E2F5: variants seen among roughly 807,000 people sequenced by gnomAD.
E2F5 encodes the protein E2F transcription factor 5.
In E2F5, 23 loss-of-function variants were observed where a neutral mutation model predicts 39.1. The ratio of observed to expected loss-of-function variants is 0.59; its 90% CI spans 0.42 to 0.83. The LOEUF is 0.83. Among genes scored for constraint, E2F5 ranks in the 40% least tolerant of loss-of-function variants. The pLI is 0.00. For synonymous variants in E2F5, 145 were observed against 157.8 expected (o/e 0.92, Z 0.61); for missense variants, 365 against 406.7 (o/e 0.90, Z 0.88).
At chr8:85,209,431 T>C in intron 6 of E2F5, 22 bp downstream of exon 6, 2 of 1,569,340 alleles carry the variant, frequency 1.3e-6, no homozygotes, top group Non-Finnish European at 1.7e-6. Flanking sequence ...GCCTTTCTTT[T>C]GTAAATTAGA....
chr8:85,189,237 G>C (rs527401180), intron 1 of E2F5, among the ~76,000 whole-genome samples: 2 of 152,206 alleles, frequency 1.3e-5, no homozygotes, highest in East Asian at 3.9e-4. Flanking sequence ...CTTGGGAAAA[G>C]GTTAATATAC....
chr8:85,196,628 A>C (rs963635847), intron 1 of E2F5, among the ~76,000 whole-genome samples: 1 of 152,234 alleles, frequency 6.6e-6, no homozygotes, highest in Non-Finnish European at 1.5e-5. Flanking sequence ...CCATTTAAAA[A>C]TGTTTTACCA....
rs183726423 is a variant in E2F5 at position 85,183,543 on chromosome 8, A to T, written c.234+5889A>T. On this transcript the variant is annotated intron_variant, in intron 1 of 7. Coordinates refer to ENST00000416274, the MANE Select transcript of E2F5 (RefSeq NM_001951.4). ...TGAGTAGCTTAACAAAATGTGGTATATATACAATGGAATATTCTTCAGGCT... is the reference window on the plus strand; with the variant it reads ...TGAGTAGCTTAACAAAATGTGGTATTTATACAATGGAATATTCTTCAGGCT... Among the ~76,000 whole-genome samples, 461 of 152,350 alleles carry T rather than the reference A, an allele frequency of 3.0e-3. 1 individual carries two copies. Among genetic ancestry groups the T allele is most frequent in the Non-Finnish European group, 5.7e-3 (391 of 68,042 alleles).
chr8:85,187,101 T>C (rs1812360041), intron 1 of E2F5, among the ~76,000 whole-genome samples: 1 of 152,110 alleles, frequency 6.6e-6, no homozygotes, highest in Non-Finnish European at 1.5e-5. Flanking sequence ...AGCATGTTTT[T>C]TGTTTTTAAA....
chr8:85,185,092 A>G (rs1479275740), intron 1 of E2F5, among the ~76,000 whole-genome samples: 1 of 152,230 alleles, frequency 6.6e-6, no homozygotes, highest in Non-Finnish European at 1.5e-5. Context: ...TGGAGGCATC[A>G]TGCTACCTGA....
Position 85,201,500 on chromosome 8 carries a change from T to C in E2F5, c.235-647T>C, listed in dbSNP as rs116819341. Among the ~76,000 whole-genome samples the C allele has an allele frequency of 3.6e-3, 549 of 152,354 alleles. 6 individuals carry two copies. Among genetic ancestry groups the C allele is most frequent in the African/African-American group, 0.013 (528 of 41,578 alleles). ...TAACATGATAGCATATATTGTTTTG[T>C]TGATCTTATCTAATGTGAATGCAGC... On this transcript the variant is annotated intron_variant, in intron 1 of 7. Coordinates refer to ENST00000416274, the MANE Select transcript of E2F5 (RefSeq NM_001951.4).
At chr8:85,188,110 A>G (rs1220373098) in intron 1 of E2F5, among the ~76,000 whole-genome samples, 1 of 152,138 alleles carries the variant, frequency 6.6e-6, no homozygotes, top group African/African-American at 2.4e-5. Context: ...TGATGTCACA[A>G]GTTTTATCTT....
chr8:85,195,531 C>T (rs1400872351), intron 1 of E2F5, among the ~76,000 whole-genome samples: 1 of 151,868 alleles, frequency 6.6e-6, no homozygotes, highest in Non-Finnish European at 1.5e-5. Flanking sequence ...ACTCTGTCAC[C>T]CAGGCTAGAG....
intron 1 of E2F5, among the ~76,000 whole-genome samples, chr8:85,186,369 TA>T (rs1812333248): frequency 1.3e-5 from 2 of 151,542 alleles, no homozygotes; most frequent in African/African-American, 4.9e-5. Flanking sequence ...GTTGGGGGGC[TA>T]GGGGAGGGAT....
intron 1 of E2F5, among the ~76,000 whole-genome samples, chr8:85,186,531 G>A (rs908652496): frequency 4.7e-5 from 7 of 148,492 alleles, no homozygotes; most frequent in African/African-American, 7.5e-5. Flanking sequence ...ATATATGTAC[G>A]GTATATATAT....
intron 5 of E2F5, among the ~76,000 whole-genome samples, chr8:85,208,356 C>A (rs1211754127): frequency 6.6e-6 from 1 of 152,252 alleles, no homozygotes; most frequent in Non-Finnish European, 1.5e-5. Flanking sequence ...AACACATCTA[C>A]AATTGATATA....
At position 85,177,630 on chromosome 8, in the gene E2F5, G is replaced by A. The variant is rs1812113765; in HGVS notation, c.210G>A (p.Lys70=). The A allele has an allele frequency of 1.5e-6, 2 of 1,296,516 alleles. No homozygotes were observed. Among genetic ancestry groups the A allele is most frequent in the African/African-American group, 3.0e-5 (2 of 66,154 alleles). 80.3% of individuals were successfully genotyped at this position (1,296,516 alleles called of 1,614,324 possible). A position where few individuals can be genotyped will look rare whatever the true frequency, so the allele number is the denominator to read the frequency against. Residue 70 remains lysine, a synonymous_variant, in exon 1 of 8, where the codon AAG becomes AAA. Transcript: ENST00000416274. ...TKFVSLLQEA[K]DGVLDLKAAA... ...TCGTGTCGCTGCTGCAGGAGGCCAA[G>A]GACGGCGTTCTGGATCTCAAAGCGG...
chr8:85,195,823 A>C (rs1194217937), intron 1 of E2F5, among the ~76,000 whole-genome samples: 4 of 152,170 alleles, frequency 2.6e-5, no homozygotes, highest in Non-Finnish European at 5.9e-5. Context: ...GCAATTGAAA[A>C]TGTAGGCAAG....
chr8:85,204,405 G>T (rs1255394920), intron 3 of E2F5, among the ~76,000 whole-genome samples: 2 of 151,140 alleles, frequency 1.3e-5, no homozygotes, highest in African/African-American at 4.9e-5. Flanking sequence ...CATGGATGAC[G>T]CTGGAAACCA....
intron 4 of E2F5, 121 bp downstream of exon 4, chr8:85,206,341 A>C: frequency 1.1e-6 from 1 of 930,482 alleles, no homozygotes; most frequent in Non-Finnish European, 1.7e-6. Flanking sequence ...ATTGTGTCTC[A>C]CTCCACCATG....
chr8:85,209,355 G>A lies in E2F5; in HGVS notation c.829G>A (p.Val277Ile), dbSNP rs1468187998. The change falls in exon 6 of 8, where the codon GTC becomes ATC. Residue 277 changes from valine (V) to isoleucine (I), a missense_variant. Val to Ile is a conservative substitution (Grantham distance 29). Coordinates refer to ENST00000416274, the MANE Select transcript of E2F5 (RefSeq NM_001951.4). Reference protein sequence around the residue: ...MATQNLPEQHVSERSQALQQT... With the variant: ...MATQNLPEQHISERSQALQQT... ...AACTCAAAATCTGCCTGAGCAACATGTCTCTGAAAGAAGCCAGGCTCTGCA... is the reference window on the plus strand; with the variant it reads ...AACTCAAAATCTGCCTGAGCAACATATCTCTGAAAGAAGCCAGGCTCTGCA... 2 of 1,613,882 alleles carry A rather than the reference G, an allele frequency of 1.2e-6. No homozygotes were observed. Among genetic ancestry groups the A allele is most frequent in the South Asian group, 2.2e-5 (2 of 91,062 alleles).
intron 7 of E2F5, chr8:85,213,003 T>G (rs1270503876): frequency 6.6e-6 from 1 of 150,466 alleles, no homozygotes; most frequent in East Asian, 2.0e-4. Context: ...GTTCAAATGA[T>G]TCTCCTGGCT....
At chr8:85,209,473 T>TGGA in intron 6 of E2F5, 64 bp downstream of exon 6, 5 of 1,497,072 alleles carry the variant, frequency 3.3e-6, no homozygotes, top group Non-Finnish European at 4.5e-6. Flanking sequence ...GTTGGCTCTC[T>TGGA]TATCCAAAGT....
At chr8:85,181,560 C>T (rs1185588502) in intron 1 of E2F5, among the ~76,000 whole-genome samples, 2 of 146,128 alleles carry the variant, frequency 1.4e-5, no homozygotes, top group Non-Finnish European at 3.0e-5. Context: ...AGAATGGTCT[C>T]GATCTTCTGA....
Sources: allele counts gnomAD v4.1 joint callset (sites outside exome capture counted in the v4.1 genomes callset), GRCh38; gene constraint gnomAD v4.1.1; transcripts MANE v1.5; gene names NCBI Gene and HGNC (gene_info 2026-07-23, HGNC 2026-07-21).